The following ZMYM4 variants were observed in gnomAD, a reference collection of about 807,000 sequenced individuals.
The protein encoded by ZMYM4 is zinc finger MYM-type protein 4.
A neutral mutation model predicts 183.2 loss-of-function variants in ZMYM4; 31 were observed. The ratio of observed to expected loss-of-function variants is 0.17; its 90% CI spans 0.13 to 0.23. The LOEUF (loss-of-function observed/expected upper bound fraction) is 0.23, where lower values mean the gene tolerates loss of function less well. ZMYM4 is among the 10% of genes least tolerant of loss of function. ZMYM4 has a pLI of 1.00. For synonymous variants in ZMYM4, 592 were observed against 631.2 expected, an observed-to-expected ratio of 0.94 and a Z score of 0.93; for missense variants, 1,273 against 1,840.3, an observed-to-expected ratio of 0.69 and a Z score of 5.64.
chr1:35,322,467 G>A (rs1411587202), intron 1 of ZMYM4, among the ~76,000 whole-genome samples: 1 of 151,758 alleles, frequency 6.6e-6, no homozygotes. Context: ...ATGTTGATGT[G>A]AAGTAGTGAT....
At chr1:35,368,630 A>G (rs537258105) in intron 5 of ZMYM4, among the ~76,000 whole-genome samples, 1 of 152,342 alleles carries the variant, frequency 6.6e-6, no homozygotes, top group Non-Finnish European at 1.5e-5. Flanking sequence ...ACAACCTGTC[A>G]TTATGTATCA....
In ZMYM4 at chr1:35,387,536, G is replaced by A. The variant is rs1644603249; in HGVS notation, c.2195G>A (p.Cys732Tyr). The A allele has an allele frequency of 6.2e-7, 1 of 1,613,670 alleles. No homozygotes were observed. Among genetic ancestry groups the A allele is most frequent in the Non-Finnish European group, 8.5e-7 (1 of 1,179,902 alleles). ...INNVMAMCEYCKIEKIVKETV... is the reference protein window; with the variant it reads ...INNVMAMCEYYKIEKIVKETV... ...AATGTAATGGCAATGTGTGAATATT[G>A]TAAAATTGAGAAAATTGTAAAGGAG... Residue 732 changes from cysteine (C) to tyrosine (Y), a missense_variant, in exon 13 of 30, where the codon TGT becomes TAT. Coordinates refer to ENST00000314607, the MANE Select transcript of ZMYM4 (RefSeq NM_005095.3).
chr1:35,365,173 T>G (rs1209497899), intron 5 of ZMYM4, among the ~76,000 whole-genome samples: 1 of 151,414 alleles, frequency 6.6e-6, no homozygotes, highest in African/African-American at 2.4e-5. Context: ...AGCTGAGAGA[T>G]ATAGAGATTT....
At chr1:35,332,731 C>T (rs1327969363) in intron 2 of ZMYM4, among the ~76,000 whole-genome samples, 1 of 152,140 alleles carries the variant, frequency 6.6e-6, no homozygotes, top group Non-Finnish European at 1.5e-5. Context: ...GGCTCTCATC[C>T]TGTCACCCAG....
At chr1:35,384,841 CTTTTTTTT>C (rs748891728) in intron 9 of ZMYM4, among the ~76,000 whole-genome samples, 6 of 127,408 alleles carry the variant, frequency 4.7e-5, no homozygotes, top group East Asian at 2.2e-4. Context: ...TTTTCTTTTT[CTTTTTTTT>C]TTTTTTTTTT....
At chr1:35,303,107 A>C (rs769398271) in intron 1 of ZMYM4, among the ~76,000 whole-genome samples, 8 of 151,554 alleles carry the variant, frequency 5.3e-5, no homozygotes, top group Admixed American at 1.3e-4. Context: ...AAAAAAAAAA[A>C]ACAAAAAAAC....
Position 35,325,493 on chromosome 1 carries a change from A to G in ZMYM4, c.85+88A>G. The G allele has an allele frequency of 3.0e-6, 4 of 1,312,134 alleles. No homozygotes were observed. In the South Asian group the frequency reaches 6.1e-5, roughly 20 times the overall value. The allele number at this position is 1,312,134 out of a possible 1,614,324, so 81.3% of individuals were successfully genotyped here. ...GTGGTATTTAACTATTACAGTGTTT[A>G]GTTAGGGCTGATTTATGTGATGGTT... On this transcript the variant is annotated intron_variant, in intron 2 of 29. Coordinates refer to ENST00000314607, the MANE Select transcript of ZMYM4 (RefSeq NM_005095.3).
chr1:35,275,527 A>G (rs1639828705), intron 1 of ZMYM4, among the ~76,000 whole-genome samples: 2 of 152,200 alleles, frequency 1.3e-5, no homozygotes, highest in Admixed American at 6.5e-5. Flanking sequence ...GTGCCTTGCC[A>G]GAAAGGTTTT....
chr1:35,304,844 A>AGTTT (rs1557958646), intron 1 of ZMYM4, among the ~76,000 whole-genome samples: 1 of 2,254 alleles, frequency 4.4e-4, no homozygotes, highest in Non-Finnish European at 2.4e-3. Flanking sequence ...CCACAAGTAA[A>AGTTT]CTTTATTTTT....
intron 2 of ZMYM4, among the ~76,000 whole-genome samples, chr1:35,328,116 T>C (rs1642582823): frequency 6.6e-6 from 1 of 152,182 alleles, no homozygotes; most frequent in South Asian, 2.1e-4. Flanking sequence ...AGTAAAAACA[T>C]TCTTAAAGAG....
At position 35,328,454 on chromosome 1, in the gene ZMYM4, ATTT is replaced by A. The variant is rs754078160; in HGVS notation, c.85+3069_85+3071del. Among the ~76,000 whole-genome samples the A allele has an allele frequency of 1.4e-4, 16 of 117,078 alleles. No homozygotes were observed. The East Asian group carries it at 2.7e-3, about 20-fold the overall frequency. The allele number at this position is 117,078 out of a possible 152,430, so 76.8% of individuals were successfully genotyped here. A position where few individuals can be genotyped will look rare whatever the true frequency, so the allele number is the denominator to read the frequency against. ...ATCACCATGCCTGGCTAATTTTTTA[ATTT>A]TTTTTTTTTTTTTTTTTTTGTAGAG... On this transcript the variant is annotated intron_variant, in intron 2 of 29. Transcript: ENST00000314607.
intron 11 of ZMYM4, 134 bp from the exon 12 acceptor site, chr1:35,386,869 T>C (rs1644589547): frequency 1.1e-6 from 1 of 937,938 alleles, no homozygotes; most frequent in South Asian, 1.7e-5. Flanking sequence ...AATAAGCTGC[T>C]CAGAGGCAGG....
intron 1 of ZMYM4, among the ~76,000 whole-genome samples, chr1:35,313,529 C>T (rs1254951370): frequency 6.6e-6 from 1 of 151,692 alleles, no homozygotes; most frequent in Non-Finnish European, 1.5e-5. Flanking sequence ...GCTGGGACTA[C>T]AGGCGGGCGT....
chr1:35,312,530 G>A (rs547413904), intron 1 of ZMYM4, among the ~76,000 whole-genome samples: 5 of 152,080 alleles, frequency 3.3e-5, no homozygotes, highest in East Asian at 3.9e-4. Flanking sequence ...TAAAGTCTGC[G>A]TAGAATTTCG....
rs982527670 is a variant in ZMYM4 at position 35,413,892 on chromosome 1, CTG to C, written c.3949-78_3949-77del. 13 of 829,082 alleles carry C rather than the reference CTG, an allele frequency of 1.6e-5. No homozygotes were observed. In the Admixed American group the frequency reaches 2.1e-4, roughly 14 times the overall value. 51.4% of individuals were successfully genotyped at this position (829,082 alleles called of 1,614,324 possible). ...TGTAAGGGCAAAAATTAAGGGTAAA[CTG>C]TATTTCTTACAATAATTTTTTAAGA... On this transcript the variant is annotated intron_variant, in intron 26 of 29. Transcript: ENST00000314607.
chr1:35,370,338 A>ATTTTTTT (rs35122134), intron 6 of ZMYM4, 34 bp from the exon 7 acceptor site: 70 of 1,128,988 alleles, frequency 6.2e-5, no homozygotes, highest in African/African-American at 4.5e-4. Flanking sequence ...TTTTCTTTCA[A>ATTTTTTT]TTTTTTTTTT....
chr1:35,286,446 C>G (rs1309617593), intron 1 of ZMYM4, among the ~76,000 whole-genome samples: 1 of 152,118 alleles, frequency 6.6e-6, no homozygotes, highest in African/African-American at 2.4e-5. Context: ...ACTTGTTTTG[C>G]AAGACGCCTC....
At chr1:35,397,001 T>C (rs1570521213) in intron 19 of ZMYM4, 3 of 858,306 alleles carry the variant, frequency 3.5e-6, no homozygotes, top group African/African-American at 3.6e-5. Flanking sequence ...ATAATTCTCA[T>C]TTTTGATTAA....
At chr1:35,287,724 G>A (rs1389910664) in intron 1 of ZMYM4, among the ~76,000 whole-genome samples, 3 of 152,012 alleles carry the variant, frequency 2.0e-5, no homozygotes, top group Admixed American at 6.6e-5. Flanking sequence ...TCCTGCCTTA[G>A]CCTCCCATGT....
Sources: allele counts gnomAD v4.1 joint callset (sites outside exome capture counted in the v4.1 genomes callset), GRCh38; gene constraint gnomAD v4.1.1; transcripts MANE v1.5; gene names NCBI Gene and HGNC (gene_info 2026-07-23, HGNC 2026-07-21).